The following GOLM2 variants were observed in gnomAD, a reference collection of about 807,000 sequenced individuals.
GOLM2 encodes the protein protein GOLM2.
A neutral mutation model predicts 55.9 loss-of-function variants in GOLM2; 26 were observed. The observed-to-expected ratio is 0.47, with a 90% CI of 0.34 to 0.65. GOLM2 has a LOEUF of 0.65. Ranked by LOEUF, GOLM2 falls within the 30% of genes least tolerant of loss-of-function variation. The pLI is 0.01. For missense variants in GOLM2, 486 were observed against 531.8 expected (o/e 0.91, Z 0.85); for synonymous variants, 165 against 194.6 (o/e 0.85, Z 1.27).
chr15:44,376,756 A>G (rs1257829083), intron 6 of GOLM2, among the ~76,000 whole-genome samples: 2 of 152,168 alleles, frequency 1.3e-5, no homozygotes, highest in African/African-American at 4.8e-5. Flanking sequence ...AGTACGACTA[A>G]CTATAATAAT....
chr15:44,366,679 G>A (rs529279826), intron 6 of GOLM2, among the ~76,000 whole-genome samples: 1 of 152,132 alleles, frequency 6.6e-6, no homozygotes, highest in South Asian at 2.1e-4. Context: ...AGTGATGTGT[G>A]AGAGGAGGAA....
At chr15:44,400,530 T>A (rs1309072675) in intron 8 of GOLM2, among the ~76,000 whole-genome samples, 1 of 150,172 alleles carries the variant, frequency 6.7e-6, no homozygotes, top group Non-Finnish European at 1.5e-5. Context: ...TTGGTCAGGC[T>A]GGTCTTGAAC....
chr15:44,332,024 A>G lies in GOLM2; in HGVS notation c.522A>G (p.Ala174=). The G allele has an allele frequency of 6.2e-7, 1 of 1,606,002 alleles. No homozygotes were observed. Residue 174 remains alanine, a synonymous_variant, in exon 4 of 10, where the codon GCA becomes GCG. Transcript: ENST00000299957. ...QCGQQMKELR[A]QHEENIKKLA... ...GACAGCAGATGAAGGAATTGAGAGC[A>G]CAGCATGAAGAAAATATTAAAAAGT...
chr15:44,299,978 T>G (rs1196058457), intron 1 of GOLM2, among the ~76,000 whole-genome samples: 1 of 131,866 alleles, frequency 7.6e-6, no homozygotes, highest in Non-Finnish European at 1.6e-5. Flanking sequence ...CACATGCCCA[T>G]AGTCTTAATT....
Position 44,339,748 on chromosome 15 carries a change from C to T in GOLM2, c.802+1431C>T, listed in dbSNP as rs145264286. ...CTCCTGGGCGCAAGCTATCCATCCA[C>T]CTCAGCTTCCTGAATAACTGAGACT... is the stretch of plus-strand genomic sequence containing the variant. On this transcript the variant is annotated intron_variant, in intron 6 of 9. Transcript: ENST00000299957. Among the ~76,000 whole-genome samples, 241 of 152,278 alleles carry T rather than the reference C, an allele frequency of 1.6e-3. 3 individuals are homozygous for T. The highest frequency in any genetic ancestry group is 0.012 in the Admixed American group (176 of 15,284).
At chr15:44,299,007 G>A (rs2078778122) in intron 1 of GOLM2, among the ~76,000 whole-genome samples, 1 of 152,142 alleles carries the variant, frequency 6.6e-6, no homozygotes, top group Admixed American at 6.6e-5. Context: ...GAGACCGCAT[G>A]GCAGATAAAG....
At chr15:44,386,686 C>T (rs373296687) in intron 8 of GOLM2, among the ~76,000 whole-genome samples, 26 of 152,030 alleles carry the variant, frequency 1.7e-4, no homozygotes, top group African/African-American at 4.6e-4. Context: ...GCCTGGGCAA[C>T]GTAGCAAGAC....
In GOLM2 at chr15:44,295,213, G is replaced by C. The variant is rs1022971696; in HGVS notation, c.327+5857G>C. Among the ~76,000 whole-genome samples, 3 of 152,010 alleles carry C rather than the reference G, an allele frequency of 2.0e-5. No individual in the cohort carries two copies. In the East Asian group the frequency reaches 5.8e-4, roughly 29 times the overall value. ...TCCTGCCTCATCCTCCTGAGTAGCT[G>C]AGACTACAGGTGCATGCCACCATGC... On this transcript the variant is annotated intron_variant, in intron 1 of 9. Transcript: ENST00000299957.
chr15:44,343,571 A>G (rs2079102573), intron 6 of GOLM2, among the ~76,000 whole-genome samples: 1 of 152,032 alleles, frequency 6.6e-6, no homozygotes, highest in Non-Finnish European at 1.5e-5. Context: ...CATACCTGTA[A>G]TCCCAGCACT....
intron 6 of GOLM2, among the ~76,000 whole-genome samples, chr15:44,352,717 C>T (rs1019634498): frequency 2.0e-5 from 3 of 151,928 alleles, no homozygotes; most frequent in African/African-American, 4.8e-5. Context: ...ACCAGCCTGG[C>T]CAACATGGTG....
At chr15:44,295,979 A>G (rs2078754123) in intron 1 of GOLM2, among the ~76,000 whole-genome samples, 2 of 151,086 alleles carry the variant, frequency 1.3e-5, no homozygotes, top group South Asian at 4.1e-4. Context: ...TTTATCAGAA[A>G]AGTCCTTATT....
chr15:44,385,323 A>T (rs2079435900), intron 8 of GOLM2, among the ~76,000 whole-genome samples: 1 of 143,480 alleles, frequency 7.0e-6, no homozygotes. Context: ...ATTTCTCCAC[A>T]TCCCCTCCCT....
In GOLM2 at chr15:44,415,072, T is replaced by C. The variant is rs1443975014; in HGVS notation, c.*1666T>C. 3 of 152,544 alleles carry C rather than the reference T, an allele frequency of 2.0e-5. No individual in the cohort carries two copies. Among genetic ancestry groups the C allele is most frequent in the Non-Finnish European group, 4.4e-5 (3 of 68,032 alleles). 9.4% of individuals were successfully genotyped at this position (152,544 alleles called of 1,614,324 possible). On this transcript the variant is annotated 3_prime_UTR_variant, in exon 10 of 10. Coordinates refer to ENST00000299957, the MANE Select transcript of GOLM2 (RefSeq NM_138423.4). ...AACACATTCTAGGCAAAATTCAAAC[T>C]TATAGTGGTAAAGAAACAGGTTGTT...
chr15:44,308,000 A>G (rs1210386152), intron 1 of GOLM2: 2 of 152,180 alleles, frequency 1.3e-5, no homozygotes, highest in Admixed American at 6.5e-5. Flanking sequence ...TCTGAGTTAA[A>G]GCTATTTGGG....
intron 1 of GOLM2, among the ~76,000 whole-genome samples, chr15:44,318,990 C>G (rs1228936785): frequency 6.6e-6 from 1 of 152,104 alleles, no homozygotes; most frequent in African/African-American, 2.4e-5. Context: ...CTACTTATAC[C>G]TGGTTCCTGC....
intron 6 of GOLM2, among the ~76,000 whole-genome samples, chr15:44,349,696 T>A (rs1660343863): frequency 6.6e-6 from 1 of 152,204 alleles, no homozygotes; most frequent in Non-Finnish European, 1.5e-5. Context: ...CACATTCTTC[T>A]CCTCAGTACA....
chr15:44,391,299 G>A (rs1249480399), intron 8 of GOLM2, among the ~76,000 whole-genome samples: 1 of 152,044 alleles, frequency 6.6e-6, no homozygotes, highest in African/African-American at 2.4e-5. Flanking sequence ...CAGATCACGA[G>A]GTCGGGAGAT....
At chr15:44,384,948 G>A (rs2079432041) in intron 8 of GOLM2, among the ~76,000 whole-genome samples, 1 of 150,984 alleles carries the variant, frequency 6.6e-6, no homozygotes, top group Non-Finnish European at 1.5e-5. Context: ...GACCTTTTGT[G>A]TCTGGCTTCT....
At chr15:44,298,736 GAA>G (rs1276874166) in intron 1 of GOLM2, among the ~76,000 whole-genome samples, 1 of 152,060 alleles carries the variant, frequency 6.6e-6, no homozygotes, top group Non-Finnish European at 1.5e-5. Context: ...TTTCCTGCGG[GAA>G]AAATTGTTCT....
Sources: gnomAD v4.1 joint callset for allele counts (sites outside exome capture counted in the v4.1 genomes callset) on GRCh38, gnomAD v4.1.1 for gene constraint, MANE v1.5 for transcripts, NCBI Gene and HGNC (gene_info 2026-07-23, HGNC 2026-07-21) for gene names.